The following KCNIP3 variants were observed in gnomAD, a reference collection of about 807,000 sequenced individuals.
The protein encoded by KCNIP3 is calsenilin.
Under a neutral mutation model 35.0 loss-of-function variants are expected in KCNIP3, and 28 were observed. That is an observed-to-expected ratio of 0.80 (90% CI 0.59 to 1.10). The LOEUF is 1.10. KCNIP3 is among the 50% of genes least tolerant of loss of function. The pLI is 0.00. For synonymous variants in KCNIP3, 134 were observed against 133.8 expected (o/e 1.00, Z -0.01); for missense variants, 295 against 338.4 (o/e 0.87, Z 1.01).
At chr2:95,364,695 T>A (rs1464432233) in intron 2 of KCNIP3, among the ~76,000 whole-genome samples, 1 of 152,180 alleles carries the variant, frequency 6.6e-6, no homozygotes, top group Non-Finnish European at 1.5e-5. Flanking sequence ...GTCTCTTGCT[T>A]CCATTCTTGC....
intron 8 of KCNIP3, 113 bp from the exon 9 acceptor site, chr2:95,383,889 C>A: frequency 1.1e-6 from 1 of 905,206 alleles, no homozygotes; most frequent in Non-Finnish European, 1.8e-6. Flanking sequence ...CCCAATAAGA[C>A]AGACAGACAG....
intron 2 of KCNIP3, among the ~76,000 whole-genome samples, chr2:95,343,590 A>G (rs939350330): frequency 3.3e-5 from 5 of 152,208 alleles, no homozygotes; most frequent in African/African-American, 1.2e-4. Context: ...CTAGGTGGTC[A>G]GGAACAGTTA....
intron 8 of KCNIP3, among the ~76,000 whole-genome samples, chr2:95,383,498 C>T (rs1024547679): frequency 1.1e-4 from 16 of 151,908 alleles, no homozygotes; most frequent in African/African-American, 3.9e-4. Flanking sequence ...CCACCCACCC[C>T]TGCAGCCCAC....
chr2:95,315,334 C>G (rs143839911), intron 2 of KCNIP3, among the ~76,000 whole-genome samples: 1 of 152,146 alleles, frequency 6.6e-6, no homozygotes, highest in Non-Finnish European at 1.5e-5. Context: ...TACGGTGTTT[C>G]GTTCTCAAGC....
intron 1 of KCNIP3, among the ~76,000 whole-genome samples, chr2:95,300,642 G>A (rs923404976): frequency 1.3e-5 from 2 of 152,242 alleles, no homozygotes; most frequent in African/African-American, 4.8e-5. Flanking sequence ...GGCCTCAGCT[G>A]ACTGATGTTG....
intron 1 of KCNIP3, among the ~76,000 whole-genome samples, chr2:95,306,802 CA>C (rs1464590855): frequency 2.0e-5 from 3 of 152,170 alleles, no homozygotes; most frequent in East Asian, 1.9e-4. Context: ...GGTGAGGGGC[CA>C]GGGGGCCGCC....
chr2:95,347,369 A>G (rs1346934031), intron 2 of KCNIP3, among the ~76,000 whole-genome samples: 1 of 152,314 alleles, frequency 6.6e-6, no homozygotes, highest in African/African-American at 2.4e-5. Flanking sequence ...TTGAGCGGAC[A>G]GCTCCTGCCA....
chr2:95,320,553 T>C (rs575060406), intron 2 of KCNIP3, among the ~76,000 whole-genome samples: 1 of 151,590 alleles, frequency 6.6e-6, no homozygotes, highest in Non-Finnish European at 1.5e-5. Context: ...TCTCCCGTGG[T>C]CTTTCTTGTG....
intron 2 of KCNIP3, among the ~76,000 whole-genome samples, chr2:95,357,932 T>A (rs564261594): frequency 6.6e-6 from 1 of 152,194 alleles, no homozygotes; most frequent in East Asian, 1.9e-4. Context: ...CCGTGCGCAG[T>A]GTCACACAGG....
At chr2:95,364,709 G>A (rs1390828483) in intron 2 of KCNIP3, among the ~76,000 whole-genome samples, 1 of 152,052 alleles carries the variant, frequency 6.6e-6, no homozygotes, top group African/African-American at 2.4e-5. Context: ...TTCTTGCCAC[G>A]TGACCTGCTT....
At chr2:95,326,248 ACT>A (rs1270091656) in intron 2 of KCNIP3, among the ~76,000 whole-genome samples, 39 of 60,396 alleles carry the variant, frequency 6.5e-4, no homozygotes, top group Admixed American at 1.5e-3. Flanking sequence ...CACACACAAC[ACT>A]CACACATACA....
chr2:95,348,103 C>A (rs566268310), intron 2 of KCNIP3, among the ~76,000 whole-genome samples: 11 of 152,364 alleles, frequency 7.2e-5, no homozygotes, highest in Admixed American at 2.6e-4. Flanking sequence ...TCCACAGCCA[C>A]ATGCCCCTCA....
At chr2:95,344,193 G>A (rs181523240) in intron 2 of KCNIP3, among the ~76,000 whole-genome samples, 3 of 151,802 alleles carry the variant, frequency 2.0e-5, no homozygotes, top group African/African-American at 7.3e-5. Flanking sequence ...CCACATGGAG[G>A]CACTTGGGAT....
Position 95,382,259 on chromosome 2 carries a change from C to T in KCNIP3, c.556-118C>T, listed in dbSNP as rs764844847. On this transcript the variant is annotated intron_variant, in intron 6 of 8. Coordinates refer to ENST00000295225, the MANE Select transcript of KCNIP3 (RefSeq NM_013434.5). This position sits in a 1 kb window ranked among gnomAD's most constrained non-coding sequence, Gnocchi z 4.5. ...GACAGGCTTCTCTCTCCAGCTCGTC[C>T]GGCCCCTCGCACTCACTGCCTTGGA... The T allele has an allele frequency of 6.6e-5, 36 of 543,628 alleles. No homozygotes were observed. Among genetic ancestry groups the T allele is most frequent in the East Asian group, 9.8e-5 (3 of 30,602 alleles). The allele number at this position is 543,628 out of a possible 1,614,324, so 33.7% of individuals were successfully genotyped here.
chr2:95,330,795 C>A lies in KCNIP3; in HGVS notation c.181+20275C>A, dbSNP rs145871966. 1.7e-4 allele frequency among the ~76,000 whole-genome samples: 26 copies of A among 152,344 alleles called. No homozygotes were observed. The South Asian group carries it at 2.5e-3, about 15-fold the overall frequency. On this transcript the variant is annotated intron_variant, in intron 2 of 8. Coordinates refer to ENST00000295225, the MANE Select transcript of KCNIP3 (RefSeq NM_013434.5). The stretch of plus-strand genomic sequence containing the variant: ...CATTGTGAAGCCGTGGGTCTCCTTG[C>A]CTCCTCTGGCAGGCAATGTCCCAGG...
In KCNIP3 at chr2:95,310,340, C is replaced by A. The variant is rs772476551; in HGVS notation, c.16-15C>A. 1 of 1,612,178 alleles carries A rather than the reference C, an allele frequency of 6.2e-7. No homozygotes were observed. Among genetic ancestry groups the A allele is most frequent in the Admixed American group, 1.7e-5 (1 of 60,000 alleles). On this transcript the variant is annotated splice_polypyrimidine_tract_variant and intron_variant, in intron 1 of 8. Coordinates refer to ENST00000295225, the MANE Select transcript of KCNIP3 (RefSeq NM_013434.5). ...GAGCAGGGGCTCAGGGCTGCTCTGC[C>A]TGTTCCTACTGCAGGAAGTGACAAA... is the stretch of plus-strand genomic sequence containing the variant.
intron 1 of KCNIP3, 39 bp downstream of exon 1, chr2:95,297,492 G>GT (rs1558754837): frequency 7.9e-7 from 1 of 1,259,220 alleles, no homozygotes; most frequent in South Asian, 1.3e-5. Context: ...CTGGAGGGGG[G>GT]TCGGGGGGAG....
chr2:95,381,396 C>T (rs1057359266), intron 5 of KCNIP3, among the ~76,000 whole-genome samples, 200 bp from the exon 6 acceptor site: 1 of 152,180 alleles, frequency 6.6e-6, no homozygotes, highest in African/African-American at 2.4e-5. Flanking sequence ...CACAAGTTCA[C>T]ACACACAGGT....
In KCNIP3 at chr2:95,374,901, G is replaced by A. The variant is rs1680137738; in HGVS notation, c.360G>A (p.Gln120=). 2 of 1,614,016 alleles carry A rather than the reference G, an allele frequency of 1.2e-6. No homozygotes were observed. The highest frequency in any genetic ancestry group is 4.5e-5 in the East Asian group (2 of 44,878). Residue 120 remains glutamine, a synonymous_variant, in exon 4 of 9, where the codon CAG becomes CAA. Transcript: ENST00000295225. The part of the protein sequence containing the change: ...DEDTFKLIYA[Q]FFPQGDATTY... ...ACACCTTCAAACTCATTTACGCGCAGTTCTTCCCTCAGGGAGGTGAGTCTG... is the reference window on the plus strand; with the variant it reads ...ACACCTTCAAACTCATTTACGCGCAATTCTTCCCTCAGGGAGGTGAGTCTG...
Sources: allele counts gnomAD v4.1 joint callset (sites outside exome capture counted in the v4.1 genomes callset), GRCh38; gene constraint gnomAD v4.1.1; non-coding constraint Gnocchi (gnomAD v3.1); transcripts MANE v1.5; gene names NCBI Gene and HGNC (gene_info 2026-07-23, HGNC 2026-07-21).